CCDC154: variants seen among roughly 807,000 people sequenced by gnomAD.
CCDC154 encodes coiled-coil domain containing 154.
Under a neutral mutation model 87.5 loss-of-function variants are expected in CCDC154, and 91 were observed. That is an observed-to-expected ratio of 1.04 (90% CI 0.88 to 1.24). The LOEUF (loss-of-function observed/expected upper bound fraction) is 1.24. Ranked by LOEUF, CCDC154 falls within the 50% of genes most tolerant of loss-of-function variation. The pLI, the probability that CCDC154 is intolerant of heterozygous loss-of-function variation, is 0.00. For missense variants in CCDC154, 903 were observed against 879.2 expected (o/e 1.03, Z -0.34); for synonymous variants, 418 against 400.4 (o/e 1.04, Z -0.52).
rs536237638 is a variant in CCDC154, at chr16:1,442,268, T to C, written c.675+138A>G. The C allele has an allele frequency of 7.8e-5, 83 of 1,066,916 alleles. 1 individual carries two copies. Among genetic ancestry groups the C allele is most frequent in the South Asian group, 5.4e-4 (28 of 52,052 alleles). The allele number at this position is 1,066,916 out of a possible 1,614,324, so 66.1% of individuals were successfully genotyped here. A position where few individuals can be genotyped will look rare whatever the true frequency, so the allele number is the denominator to read the frequency against. On this transcript the variant is annotated intron_variant, in intron 6 of 16. Coordinates refer to ENST00000389176, the MANE Select transcript of CCDC154 (RefSeq NM_001143980.3). ...GCGGCTGAGGAATTGAGTTTTACAT[T>C]GTCTACAACTATAGCTGATTTCAGT... is the stretch of plus-strand genomic sequence containing the variant.
intron 1 of CCDC154, 60 bp from the exon 2 acceptor site, chr16:1,444,072 G>T: frequency 5.6e-6 from 7 of 1,241,628 alleles, no homozygotes; most frequent in Non-Finnish European, 7.4e-6. Context: ...GGAGCTTACG[G>T]GAACAAGGCC....
chr16:1,435,759 C>T (rs1468199798), intron 14 of CCDC154, among the ~76,000 whole-genome samples: 2 of 152,144 alleles, frequency 1.3e-5, no homozygotes, highest in African/African-American at 2.4e-5. Flanking sequence ...CTCCTGACCT[C>T]AGGTGATCCA....
Position 1,443,688 on chromosome 16 carries a change from C to T in CCDC154, c.232G>A (p.Glu78Lys), listed in dbSNP as rs2038580087. ...AGGCAGGCCACCTCGGCCTGCAGCT[C>T]CACCACCCTGGCCGGGGCGAGAGTG... Reference protein sequence around the residue: ...HWNQLEQWVVELQAEVACLRE... With the variant: ...HWNQLEQWVVKLQAEVACLRE... The change falls in exon 3 of 17, where the codon GAG becomes AAG. Residue 78 changes from glutamate to lysine, a missense_variant. Glu to Lys is a moderately conservative substitution (Grantham distance 56, BLOSUM62 1). Coordinates refer to ENST00000389176, the MANE Select transcript of CCDC154 (RefSeq NM_001143980.3). 4.6e-6 allele frequency: 6 copies of T among 1,294,366 alleles called. No homozygotes were observed. The highest frequency in any genetic ancestry group is 5.0e-6 in the Non-Finnish European group (5 of 995,864). The allele number at this position is 1,294,366 out of a possible 1,614,324, so 80.2% of individuals were successfully genotyped here. A position where few individuals can be genotyped will look rare whatever the true frequency, so the allele number is the denominator to read the frequency against.
At chr16:1,444,259 C>T in intron 1 of CCDC154, 57 bp downstream of exon 1, 1 of 1,292,872 alleles carries the variant, frequency 7.7e-7, no homozygotes, top group Non-Finnish European at 1.0e-6. Context: ...AGAGCGGTCC[C>T]CACCCTCACA....
At chr16:1,442,557 GC>G (rs1252326373) in intron 5 of CCDC154, 28 bp from the exon 6 acceptor site, 1 of 1,502,324 alleles carries the variant, frequency 6.7e-7, no homozygotes, top group African/African-American at 1.4e-5. Context: ...GGTCACACCA[GC>G]CCAGCTGGCC....
rs534794382 is a variant in CCDC154 at position 1,438,806 on chromosome 16, C to T, written c.906+9G>A. ...CGGCCCCACCTGCCCGCCGCCCGCC[C>T]GGCCCCACCTCATGCTGCCCCTGCA... On this transcript the variant is annotated intron_variant, in intron 8 of 16. Transcript: ENST00000389176. The T allele has an allele frequency of 7.7e-4, 1,193 of 1,540,538 alleles. 14 individuals carry two copies. The African/African-American group carries it at 0.015, about 19-fold the overall frequency.
chr16:1,438,997 G>A, intron 7 of CCDC154, 28 bp downstream of exon 7: 1 of 1,550,020 alleles, frequency 6.5e-7, no homozygotes, highest in Non-Finnish European at 8.7e-7. Flanking sequence ...AGGGGGGCAG[G>A]GCAGGCCAGC....
rs1032392294 is a variant in CCDC154 at position 1,438,800 on chromosome 16, C to A, written c.906+15G>T. The A allele has an allele frequency of 1.3e-6, 2 of 1,539,882 alleles. No individual in the cohort carries two copies. The highest frequency in any genetic ancestry group is 1.7e-6 in the Non-Finnish European group (2 of 1,143,064). ...CGGCCCCGGCCCCACCTGCCCGCCG[C>A]CCGCCCGGCCCCACCTCATGCTGCC... is the stretch of plus-strand genomic sequence containing the variant. On this transcript the variant is annotated intron_variant, in intron 8 of 16. Coordinates refer to ENST00000389176, the MANE Select transcript of CCDC154 (RefSeq NM_001143980.3).
intron 11 of CCDC154, chr16:1,437,513 G>A (rs577722952): frequency 2.3e-4 from 90 of 388,044 alleles, no homozygotes; most frequent in African/African-American, 8.7e-4. Flanking sequence ...ACAAGAGCAC[G>A]AGGGGTGGAG....
In CCDC154 at chr16:1,442,502, C is replaced by T. The variant is rs778966340; in HGVS notation, c.579G>A (p.Gln193=). 1 of 1,548,870 alleles carries T rather than the reference C, an allele frequency of 6.5e-7. No homozygotes were observed. Among genetic ancestry groups the T allele is most frequent in the East Asian group, 2.4e-5 (1 of 40,840 alleles). Residue 193 remains glutamine (Q), a synonymous_variant, in exon 6 of 17, where the codon CAG becomes CAA. Coordinates refer to ENST00000389176, the MANE Select transcript of CCDC154 (RefSeq NM_001143980.3). The part of the protein sequence containing the change: ...LRLAKLTDLL[Q]QEEQGREVAC... ...CCACCTCCCGGCCCTGCTCCTCCTG[C>T]TGCAGCAAGTCGGTCAGCTTGGCCA...
intron 1 of CCDC154, 22 bp downstream of exon 1, chr16:1,444,294 C>CCCGCTCCT: frequency 7.7e-7 from 1 of 1,302,026 alleles, no homozygotes; most frequent in Non-Finnish European, 1.0e-6. Context: ...CTCCCTGGGC[C>CCCGCTCCT]CCGCTCCTCC....
At chr16:1,442,801 C>T (rs1308867913) in intron 5 of CCDC154, 79 bp downstream of exon 5, 1 of 1,376,882 alleles carries the variant, frequency 7.3e-7, no homozygotes, top group East Asian at 2.5e-5. Flanking sequence ...GGCAGGGGGA[C>T]CCGTGTCTTG....
intron 10 of CCDC154, 42 bp from the exon 11 acceptor site, chr16:1,437,996 C>T (rs1446473778): frequency 1.0e-5 from 16 of 1,536,894 alleles, no homozygotes; most frequent in Non-Finnish European, 1.4e-5. Flanking sequence ...GGCTGAGCGC[C>T]CATCCCGTGT....
chr16:1,434,571 G>GCCCCCCC, intron 16 of CCDC154, 37 bp from the exon 17 acceptor site: 1 of 719,970 alleles, frequency 1.4e-6, no homozygotes, highest in Non-Finnish European at 1.9e-6. Context: ...CTGCACCCCC[G>GCCCCCCC]CCCCACCCCC....
chr16:1,437,777 C>A, intron 11 of CCDC154, 40 bp downstream of exon 11: 1 of 1,503,228 alleles, frequency 6.7e-7, no homozygotes, highest in Non-Finnish European at 8.9e-7. Context: ...GGTGGGGACT[C>A]CCCATAGCCC....
In CCDC154 at chr16:1,442,958, T is replaced by C; in HGVS notation, c.473A>G (p.Glu158Gly). The C allele has an allele frequency of 6.5e-7, 1 of 1,549,940 alleles. No individual in the cohort carries two copies. The highest frequency in any genetic ancestry group is 8.7e-7 in the Non-Finnish European group (1 of 1,146,828). Reference protein sequence around the residue: ...ALDKRLVEVREALTRLRRRQV... With the variant: ...ALDKRLVEVRGALTRLRRRQV... ...CCTCCTCCTGAGCCGGGTCAAGGCT[T>C]CCCGGACCTCCACCAGCCTGGGACA... Residue 158 changes from glutamate (E) to glycine (G), a missense_variant, in exon 5 of 17, where the codon GAA becomes GGA. Coordinates refer to ENST00000389176, the MANE Select transcript of CCDC154 (RefSeq NM_001143980.3).
chr16:1,442,827 C>A, intron 5 of CCDC154, 53 bp downstream of exon 5: 4 of 1,503,602 alleles, frequency 2.7e-6, no homozygotes, highest in Non-Finnish European at 3.6e-6. Flanking sequence ...GCCAGGGACT[C>A]TCAAATGACC....
At chr16:1,442,737 T>C in intron 5 of CCDC154, 143 bp downstream of exon 5, 1 of 1,038,372 alleles carries the variant, frequency 9.6e-7, no homozygotes, top group African/African-American at 1.6e-5. Context: ...GGCCCAGGCT[T>C]CCCAGCACGC....
intron 9 of CCDC154, 154 bp downstream of exon 9, chr16:1,438,465 G>T (rs2038521604): frequency 1.3e-6 from 1 of 779,518 alleles, no homozygotes; most frequent in Non-Finnish European, 2.1e-6. Flanking sequence ...GGAGGGAGGA[G>T]GGTTCGCACC....
Sources: allele counts gnomAD v4.1 joint callset (sites outside exome capture counted in the v4.1 genomes callset), GRCh38; gene constraint gnomAD v4.1.1; transcripts MANE v1.5; gene names NCBI Gene and HGNC (gene_info 2026-07-23, HGNC 2026-07-21).